CLHC1: variants seen among roughly 807,000 people sequenced by gnomAD.
The protein encoded by CLHC1 is clathrin heavy chain linker domain containing 1.
In CLHC1, 72 loss-of-function variants were observed where a neutral mutation model predicts 69.5. The observed-to-expected ratio is 1.04, with a 90% CI of 0.86 to 1.26. CLHC1 has a LOEUF of 1.26. Ranked by LOEUF, CLHC1 falls within the 50% of genes most tolerant of loss-of-function variation. The pLI is 0.00. For missense variants in CLHC1, 790 were observed against 679.3 expected, an observed-to-expected ratio of 1.16 and a Z score of -1.81; for synonymous variants, 223 against 224.3, an observed-to-expected ratio of 0.99 and a Z score of 0.05.
chr2:55,228,275 C>G (rs866509922), intron 1 of CLHC1, 71 bp from the exon 2 acceptor site: 2 of 152,356 alleles, frequency 1.3e-5, no homozygotes, highest in Non-Finnish European at 1.5e-5. Flanking sequence ...CATATGCATT[C>G]AAGTGCATAA....
chr2:55,208,957 G>A (rs1180623356), intron 7 of CLHC1, among the ~76,000 whole-genome samples: 1 of 138,478 alleles, frequency 7.2e-6, no homozygotes, highest in Non-Finnish European at 1.5e-5. Context: ...TGCAAGCTCC[G>A]CCTCCCGGGT....
intron 9 of CLHC1, 60 bp from the exon 10 acceptor site, chr2:55,181,804 A>C: frequency 1.6e-6 from 2 of 1,280,672 alleles, no homozygotes; most frequent in Non-Finnish European, 2.2e-6. Flanking sequence ...GCTTTTTCTT[A>C]TCTCATATTA....
chr2:55,198,054 T>A (rs1036445608), intron 9 of CLHC1, among the ~76,000 whole-genome samples: 1 of 152,108 alleles, frequency 6.6e-6, no homozygotes, highest in African/African-American at 2.4e-5. Flanking sequence ...AAAAATGCAA[T>A]TGACATGCTG....
intron 5 of CLHC1, among the ~76,000 whole-genome samples, chr2:55,211,270 G>A (rs563011814): frequency 6.6e-6 from 1 of 152,204 alleles, no homozygotes; most frequent in East Asian, 1.9e-4. Flanking sequence ...GGGAGGCCGA[G>A]ATGGGCAGAT....
intron 9 of CLHC1, among the ~76,000 whole-genome samples, chr2:55,196,930 C>G (rs1671482444): frequency 6.6e-6 from 1 of 152,154 alleles, no homozygotes; most frequent in African/African-American, 2.4e-5. Flanking sequence ...TCTTGGATGG[C>G]ATTTATGGAC....
At chr2:55,176,027 T>C in intron 12 of CLHC1, 41 bp from the exon 13 acceptor site, 2 of 1,481,990 alleles carry the variant, frequency 1.3e-6, no homozygotes. Context: ...GGCACTTATT[T>C]GATAATCTAT....
intron 9 of CLHC1, among the ~76,000 whole-genome samples, chr2:55,202,332 G>A (rs895276787): frequency 1.3e-5 from 2 of 151,378 alleles, no homozygotes; most frequent in Admixed American, 1.3e-4. Context: ...GAGGTGTGCG[G>A]ATCACCTGAG....
chr2:55,214,575 A>T (rs1047370121), intron 4 of CLHC1: 13 of 152,376 alleles, frequency 8.5e-5, no homozygotes, highest in African/African-American at 2.4e-4. Context: ...TCTGATTATT[A>T]TATAGTGCTC....
chr2:55,196,582 C>T (rs1361922952), intron 9 of CLHC1, among the ~76,000 whole-genome samples: 1 of 152,214 alleles, frequency 6.6e-6, no homozygotes, highest in Non-Finnish European at 1.5e-5. Flanking sequence ...TTTCTAGACA[C>T]ACACTTGTCA....
chr2:55,193,366 GT>G (rs1484701234), intron 9 of CLHC1, among the ~76,000 whole-genome samples: 1 of 151,592 alleles, frequency 6.6e-6, no homozygotes, highest in Non-Finnish European at 1.5e-5. Context: ...ACAACCCACA[GT>G]TGGGAAAAAA....
intron 8 of CLHC1, chr2:55,206,864 T>C (rs1341617732): frequency 2.6e-5 from 4 of 154,522 alleles, no homozygotes; most frequent in Admixed American, 1.3e-4. Context: ...CCCAGCACTT[T>C]GGGAGACCGA....
chr2:55,203,661 A>G (rs1672172689), intron 9 of CLHC1, among the ~76,000 whole-genome samples: 2 of 152,188 alleles, frequency 1.3e-5, no homozygotes, highest in Admixed American at 6.5e-5. Flanking sequence ...AAACCAAATC[A>G]AAATGGATTA....
intron 3 of CLHC1, among the ~76,000 whole-genome samples, chr2:55,220,588 C>G (rs548656377): frequency 6.6e-6 from 1 of 152,092 alleles, no homozygotes; most frequent in Admixed American, 6.6e-5. Flanking sequence ...TTCTATTTAA[C>G]ACCATATGTT....
chr2:55,184,058 C>T (rs534094577), intron 9 of CLHC1, among the ~76,000 whole-genome samples: 199 of 151,380 alleles, frequency 1.3e-3, no homozygotes, highest in Middle Eastern at 0.01. Flanking sequence ...GGATTACAGG[C>T]GTGAGCTACC....
intron 8 of CLHC1, among the ~76,000 whole-genome samples, chr2:55,207,755 A>C (rs1256657959): frequency 1.3e-5 from 2 of 152,200 alleles, no homozygotes; most frequent in Non-Finnish European, 2.9e-5. Flanking sequence ...TGAAGATAGC[A>C]GGAATGATAC....
intron 11 of CLHC1, among the ~76,000 whole-genome samples, chr2:55,178,528 G>A (rs1265062310): frequency 6.6e-6 from 1 of 152,102 alleles, no homozygotes. Flanking sequence ...GGCCCAGGCT[G>A]GAGTGCATGG....
intron 3 of CLHC1, chr2:55,218,718 T>A (rs1673821001): frequency 6.6e-6 from 1 of 152,136 alleles, no homozygotes; most frequent in Non-Finnish European, 1.5e-5. Flanking sequence ...ATATATGCAT[T>A]ACCCATGCAA....
rs568187378 is a variant in CLHC1, at chr2:55,173,283, T to G, written c.*2507A>C. ...TGAAATTTGAATATGGACTGGCTAT[T>G]AGATAATGCTAAGGAATTATTATTA... is the stretch of plus-strand genomic sequence containing the variant. On this transcript the variant is annotated 3_prime_UTR_variant, in exon 13 of 13. Coordinates refer to ENST00000401408, the MANE Select transcript of CLHC1 (RefSeq NM_152385.4). Among the ~76,000 whole-genome samples the G allele has an allele frequency of 3.9e-5, 6 of 152,360 alleles. No individual in the cohort carries two copies. The East Asian group carries it at 1.2e-3, about 29-fold the overall frequency.
chr2:55,182,471 T>G (rs1368936559), intron 9 of CLHC1, among the ~76,000 whole-genome samples: 1 of 152,214 alleles, frequency 6.6e-6, no homozygotes, highest in Non-Finnish European at 1.5e-5. Flanking sequence ...GGAGGAAGAC[T>G]GTCAATTTGA....
Sources: gnomAD v4.1 joint callset for allele counts (sites outside exome capture counted in the v4.1 genomes callset) on GRCh38, gnomAD v4.1.1 for gene constraint, MANE v1.5 for transcripts, NCBI Gene and HGNC (gene_info 2026-07-23, HGNC 2026-07-21) for gene names.